Variants in ANKRD28 observed in about 807,000 individuals in gnomAD.
ANKRD28 encodes ankyrin repeat domain 28, also known as serine/threonine-protein phosphatase 6 regulatory ankyrin repeat subunit A.
In ANKRD28, 44 loss-of-function variants were observed where a neutral mutation model predicts 126.5. The ratio of observed to expected loss-of-function variants is 0.35; its 90% CI spans 0.27 to 0.45. The LOEUF (loss-of-function observed/expected upper bound fraction) is 0.45, where lower values mean the gene tolerates loss of function less well. Among genes scored for constraint, ANKRD28 ranks in the 20% least tolerant of loss-of-function variants. The pLI, the probability that ANKRD28 is intolerant of heterozygous loss-of-function variation, is 1.00. For synonymous variants in ANKRD28, 442 were observed against 468.5 expected (o/e 0.94, Z 0.73); for missense variants, 1,110 against 1,316.6 (o/e 0.84, Z 2.43).
upstream of ANKRD28, chr3:15,798,320 A>G (rs756485569): frequency 9.2e-6 from 2 of 216,630 alleles, no homozygotes; most frequent in Non-Finnish European, 1.6e-5. Flanking sequence ...TTAAAGATGG[A>G]GAAATATTTT....
At chr3:15,788,408 G>T (rs931474783) in intron 2 of ANKRD28, among the ~76,000 whole-genome samples, 13 of 152,012 alleles carry the variant, frequency 8.6e-5, no homozygotes, top group African/African-American at 3.1e-4. Context: ...CTATTAAGTC[G>T]GACATGGGTT....
chr3:15,680,646 C>T (rs1044346591), intron 21 of ANKRD28, among the ~76,000 whole-genome samples: 2 of 151,902 alleles, frequency 1.3e-5, no homozygotes, highest in African/African-American at 4.8e-5. Flanking sequence ...TGTAATGAAA[C>T]ATTCTGGTAT....
chr3:15,723,114 G>T (rs537512134), intron 7 of ANKRD28, among the ~76,000 whole-genome samples: 1 of 152,236 alleles, frequency 6.6e-6, no homozygotes, highest in African/African-American at 2.4e-5. Flanking sequence ...CAGAAACAAA[G>T]TTGCCTCATT....
intron 2 of ANKRD28, among the ~76,000 whole-genome samples, chr3:15,779,241 T>C (rs1414637235): frequency 6.6e-6 from 1 of 152,080 alleles, no homozygotes; most frequent in African/African-American, 2.4e-5. Context: ...AGAATGCAGG[T>C]ACAACTGATA....
Position 15,694,808 on chromosome 3 carries a change from C to T in ANKRD28, c.1692G>A (p.Met564Ile), listed in dbSNP as rs2069296796. 3 of 1,613,106 alleles carry T rather than the reference C, an allele frequency of 1.9e-6. No homozygotes were observed. The highest frequency in any genetic ancestry group is 2.7e-5 in the African/African-American group (2 of 74,856). The change falls in exon 17 of 28, where the codon ATG becomes ATA. Residue 564 changes from methionine (M) to isoleucine (I), a missense_variant. By Grantham distance (10) the Met-to-Ile change is conservative. Transcript: ENST00000683139. ...TCAGCATGTCTGTTCCTGAGGTTTC[C>T]ATTAACTGAAAAAGAAGAGGCATTT... Reference protein sequence around the residue: ...IASETPLDVLMETSGTDMLSD... With the variant: ...IASETPLDVLIETSGTDMLSD...
intron 20 of ANKRD28, 33 bp from the exon 21 acceptor site, chr3:15,685,478 T>C (rs1226243359): frequency 1.2e-6 from 2 of 1,600,424 alleles, no homozygotes; most frequent in East Asian, 2.2e-5. Flanking sequence ...TAGTCAAACA[T>C]ATTATGCTAA....
chr3:15,798,267 A>G (rs1165593820), upstream of ANKRD28: 1 of 630,844 alleles, frequency 1.6e-6, no homozygotes, highest in East Asian at 1.4e-4. Context: ...CTATAATGAC[A>G]GTTGCAGTAA....
chr3:15,788,785 T>C (rs911416247), intron 2 of ANKRD28, among the ~76,000 whole-genome samples: 6 of 152,016 alleles, frequency 3.9e-5, no homozygotes, highest in Non-Finnish European at 7.4e-5. Context: ...GAAACACAAA[T>C]GAAAGCTTTT....
intron 5 of ANKRD28, among the ~76,000 whole-genome samples, chr3:15,736,334 A>T (rs908421645): frequency 6.6e-6 from 1 of 152,204 alleles, no homozygotes; most frequent in Non-Finnish European, 1.5e-5. Context: ...GTACTATCCA[A>T]TGTTTCAGGC....
chr3:15,708,931 C>A (rs2071843680), intron 13 of ANKRD28, among the ~76,000 whole-genome samples: 1 of 152,222 alleles, frequency 6.6e-6, no homozygotes, highest in African/African-American at 2.4e-5. Context: ...AATTCTCAAA[C>A]TGTTGACACA....
At position 15,810,851 on chromosome 3, in the gene ANKRD28, A is replaced by G. The variant is rs940090428; in HGVS notation, c.28-15545T>C. Among the ~76,000 whole-genome samples, 6 of 152,182 alleles carry G rather than the reference A, an allele frequency of 3.9e-5. 1 individual carries two copies. Among genetic ancestry groups the G allele is most frequent in the Admixed American group, 2.6e-4 (4 of 15,288 alleles). On this transcript the variant is annotated intron_variant, in intron 1 of 27. Coordinates refer to the ANKRD28 transcript ENST00000399451. ...TAAGAGTTAAGACCACAACTTGAAC[A>G]CTGCCTATGTGAAGACTCACTGCCA...
intron 1 of ANKRD28, among the ~76,000 whole-genome samples, chr3:15,849,846 A>T (rs2061600219): frequency 6.6e-6 from 1 of 152,146 alleles, no homozygotes; most frequent in Non-Finnish European, 1.5e-5. Context: ...TCTTGTGAAG[A>T]TCACCATGTA....
intron 12 of ANKRD28, 131 bp downstream of exon 12, chr3:15,711,080 T>C (rs1012702330): frequency 1.3e-6 from 1 of 746,834 alleles, no homozygotes; most frequent in Non-Finnish European, 2.1e-6. Flanking sequence ...TGGACTTTTT[T>C]TTCCCAAACA....
At chr3:15,777,005 G>C (rs1188825637) in intron 2 of ANKRD28, among the ~76,000 whole-genome samples, 1 of 152,190 alleles carries the variant, frequency 6.6e-6, no homozygotes, top group Non-Finnish European at 1.5e-5. Flanking sequence ...GCCAGGAGCA[G>C]AGGCTCACAC....
At chr3:15,810,173 T>C (rs962986021) in intron 1 of ANKRD28, among the ~76,000 whole-genome samples, 2 of 151,980 alleles carry the variant, frequency 1.3e-5, no homozygotes, top group African/African-American at 2.4e-5. Flanking sequence ...AATAAGGTGA[T>C]ACTAAAGGCA....
At chr3:15,673,129 T>G (rs2066554457) in intron 27 of ANKRD28, among the ~76,000 whole-genome samples, 1 of 152,214 alleles carries the variant, frequency 6.6e-6, no homozygotes, top group South Asian at 2.1e-4. Context: ...CCTCCCCCAC[T>G]TTCTCCTTAT....
intron 4 of ANKRD28, among the ~76,000 whole-genome samples, chr3:15,741,372 T>C (rs1265045688): frequency 2.0e-5 from 3 of 152,210 alleles, no homozygotes; most frequent in African/African-American, 7.2e-5. Flanking sequence ...TTCTACATCA[T>C]ATTATCAGTG....
chr3:15,832,168 G>A (rs560063873), intron 1 of ANKRD28, among the ~76,000 whole-genome samples: 17 of 152,306 alleles, frequency 1.1e-4, no homozygotes, highest in Admixed American at 1.0e-3. Context: ...AGACAAATAA[G>A]ATCACTTCAG....
chr3:15,769,411 G>A (rs192428412), intron 2 of ANKRD28, among the ~76,000 whole-genome samples: 69 of 152,086 alleles, frequency 4.5e-4, no homozygotes, highest in Middle Eastern at 3.4e-3. Flanking sequence ...AAAAAGTGAC[G>A]ATCCCCTTAG....
Sources: allele counts gnomAD v4.1 joint callset (sites outside exome capture counted in the v4.1 genomes callset), GRCh38; gene constraint gnomAD v4.1.1; transcripts MANE v1.5; gene names NCBI Gene and HGNC (gene_info 2026-07-23, HGNC 2026-07-21).